Variants in LMBRD2 observed in about 807,000 individuals in gnomAD.
LMBRD2 encodes the protein LMBR1 domain containing 2.
LMBRD2 carries 55 observed loss-of-function variants against 94.4 expected under a neutral mutation model. The observed-to-expected ratio is 0.58, with a 90% confidence interval of 0.47 to 0.73. LMBRD2 has a LOEUF of 0.73. Ranked by LOEUF, LMBRD2 falls within the 30% of genes least tolerant of loss-of-function variation. LMBRD2 has a pLI of 0.00. For missense variants in LMBRD2, 640 were observed against 831.9 expected (o/e 0.77, Z 2.84); for synonymous variants, 246 against 272.4 (o/e 0.90, Z 0.95).
intron 16 of LMBRD2, 27 bp from the exon 17 acceptor site, chr5:36,105,224 A>G (rs1228157337): frequency 1.2e-6 from 2 of 1,608,098 alleles, no homozygotes; most frequent in Non-Finnish European, 1.7e-6. Flanking sequence ...AAAAATGTCT[A>G]CTTCCCTACT....
chr5:36,112,171 T>C (rs1351657336), intron 13 of LMBRD2, among the ~76,000 whole-genome samples: 11 of 152,176 alleles, frequency 7.2e-5, no homozygotes, highest in Non-Finnish European at 1.5e-5. Context: ...ATATATCTAC[T>C]TGTTTCATTC....
Position 36,137,272 on chromosome 5 carries a change from AC to A in LMBRD2, c.536+1del. 6.4e-7 allele frequency: 1 copy of A among 1,554,266 alleles called. No individual in the cohort carries two copies. The highest frequency in any genetic ancestry group is 8.8e-7 in the Non-Finnish European group (1 of 1,139,256). The stretch of plus-strand genomic sequence containing the variant: ...CAATGTTAAGAAGACTACTTTTCTT[AC>A]CATTCTAAATGTAAATGTGGGTTTA... On this transcript the variant is annotated splice_donor_variant, in intron 5 of 17. Transcript: ENST00000296603. LOFTEE classifies it high-confidence loss of function.
At chr5:36,108,727 C>T (rs1002457002) in intron 15 of LMBRD2, 88 bp from the exon 16 acceptor site, 29 of 503,456 alleles carry the variant, frequency 5.8e-5, no homozygotes, top group African/African-American at 5.3e-4. Flanking sequence ...AATTTATTTT[C>T]ATCAGAGATT....
rs1184516769 is a variant in LMBRD2 at position 36,142,602 on chromosome 5, A to G, written c.175-3T>C. On this transcript the variant is annotated splice_region_variant and splice_polypyrimidine_tract_variant and intron_variant, in intron 2 of 17. Transcript: ENST00000296603. ...TGCTTGCACCGGTTGTATATTGTCT[A>G]AAGCAACGAATGTATGGTTTAAAAA... is the stretch of plus-strand genomic sequence containing the variant. 2.6e-6 allele frequency: 4 copies of G among 1,555,734 alleles called. No homozygotes were observed. In the African/African-American group the frequency reaches 5.4e-5, roughly 21 times the overall value.
chr5:36,148,067 T>C (rs1744594303), intron 1 of LMBRD2: 1 of 195,300 alleles, frequency 5.1e-6, no homozygotes, highest in Admixed American at 6.2e-5. Flanking sequence ...ATCCTAATTA[T>C]GAAAAATCAA....
chr5:36,121,570 G>A (rs1743887677), intron 9 of LMBRD2, among the ~76,000 whole-genome samples: 1 of 152,148 alleles, frequency 6.6e-6, no homozygotes, highest in African/African-American at 2.4e-5. Context: ...ACTAATAAAT[G>A]TTAATAATCA....
At chr5:36,146,925 T>A (rs1269447790) in intron 1 of LMBRD2, among the ~76,000 whole-genome samples, 1 of 67,276 alleles carries the variant, frequency 1.5e-5, no homozygotes, top group African/African-American at 5.7e-5. Flanking sequence ...TCTCTGCGTG[T>A]GTGTGTGTGT....
intron 5 of LMBRD2, 110 bp from the exon 6 acceptor site, chr5:36,136,629 A>G (rs1344944090): frequency 2.4e-6 from 2 of 837,678 alleles, no homozygotes; most frequent in African/African-American, 1.7e-5. Context: ...AGTTAAAATT[A>G]GCATCTAGAA....
chr5:36,100,680 C>A lies in LMBRD2; in HGVS notation c.*3366G>T, dbSNP rs1268929121. The A allele has an allele frequency of 6.6e-6, 1 of 151,972 alleles. No homozygotes were observed. Among genetic ancestry groups the A allele is most frequent in the East Asian group, 1.9e-4 (1 of 5,188 alleles). 9.4% of individuals were successfully genotyped at this position (151,972 alleles called of 1,614,324 possible). A position where few individuals can be genotyped will look rare whatever the true frequency, so the allele number is the denominator to read the frequency against. On this transcript the variant is annotated 3_prime_UTR_variant, in exon 18 of 18. Transcript: ENST00000296603. ...AAGATTTTTCAGGGACATATTTTGT[C>A]GCTTAGTGCAAATATACTTGTAATT... is the stretch of plus-strand genomic sequence containing the variant.
intron 1 of LMBRD2, among the ~76,000 whole-genome samples, chr5:36,143,868 G>T (rs554158625): frequency 6.6e-6 from 1 of 151,828 alleles, no homozygotes; most frequent in South Asian, 2.1e-4. Flanking sequence ...TAAAAGAGAG[G>T]AAGGAAAAAA....
chr5:36,122,175 AAAT>A (rs1239083537), intron 9 of LMBRD2, 102 bp downstream of exon 9: 1 of 765,648 alleles, frequency 1.3e-6, no homozygotes, highest in South Asian at 1.9e-5. Flanking sequence ...GGTATAAATC[AAAT>A]AATACAAATA....
chr5:36,147,804 G>A (rs941682108), intron 1 of LMBRD2: 3 of 348,228 alleles, frequency 8.6e-6, no homozygotes, highest in African/African-American at 4.6e-5. Flanking sequence ...GAGAGAGAGA[G>A]AGAGAGAATG....
chr5:36,145,522 G>A (rs574492313), intron 1 of LMBRD2, among the ~76,000 whole-genome samples: 1 of 152,236 alleles, frequency 6.6e-6, no homozygotes, highest in South Asian at 2.1e-4. Context: ...ACAGCGCCCA[G>A]CCAAATCTTA....
intron 1 of LMBRD2, among the ~76,000 whole-genome samples, chr5:36,149,597 G>A (rs768410960): frequency 1.2e-4 from 18 of 152,310 alleles, no homozygotes; most frequent in South Asian, 2.1e-4. Context: ...AGGGTGGACC[G>A]TCTTCCTTTT....
chr5:36,132,013 A>G lies in LMBRD2; in HGVS notation c.747+4296T>C, dbSNP rs370981875. On this transcript the variant is annotated intron_variant, in intron 6 of 17. Coordinates refer to ENST00000296603, the MANE Select transcript of LMBRD2 (RefSeq NM_001007527.2). The stretch of plus-strand genomic sequence containing the variant: ...CAAAAGAGCCTCAACTGCCAAAGCT[A>G]TCTTGAGTAAAAAGTGCAAAACTGG... Among the ~76,000 whole-genome samples the G allele has an allele frequency of 6.6e-5, 10 of 152,308 alleles. No individual in the cohort carries two copies. The East Asian group carries it at 1.7e-3, about 26-fold the overall frequency.
Position 36,137,273 on chromosome 5 carries a change from C to T in LMBRD2, c.536+1G>A, listed in dbSNP as rs1744293917. 3.9e-6 allele frequency: 6 copies of T among 1,550,690 alleles called. No homozygotes were observed. Among genetic ancestry groups the T allele is most frequent in the Non-Finnish European group, 5.3e-6 (6 of 1,136,908 alleles). The stretch of plus-strand genomic sequence containing the variant: ...AATGTTAAGAAGACTACTTTTCTTA[C>T]CATTCTAAATGTAAATGTGGGTTTA... On this transcript the variant is annotated splice_donor_variant, in intron 5 of 17. Coordinates refer to ENST00000296603, the MANE Select transcript of LMBRD2 (RefSeq NM_001007527.2). LOFTEE classifies it high-confidence loss of function.
rs1743315641 is a variant in LMBRD2 at position 36,100,009 on chromosome 5, G to A, written c.*4037C>T. Reference sequence around the variant, plus strand: ...GCCTTGTCTCCAGGAGTTGGGAAAGGGGAAAGAAAACATTGCCCAGTCTTC... The same window carrying A: ...GCCTTGTCTCCAGGAGTTGGGAAAGAGGAAAGAAAACATTGCCCAGTCTTC... On this transcript the variant is annotated 3_prime_UTR_variant, in exon 18 of 18. Coordinates refer to ENST00000296603, the MANE Select transcript of LMBRD2 (RefSeq NM_001007527.2). 1 of 152,008 alleles carries A rather than the reference G, an allele frequency of 6.6e-6. No individual in the cohort carries two copies. The highest frequency in any genetic ancestry group is 2.4e-5 in the African/African-American group (1 of 41,396). The allele number at this position is 152,008 out of a possible 1,614,324, so 9.4% of individuals were successfully genotyped here. A position where few individuals can be genotyped will look rare whatever the true frequency, so the allele number is the denominator to read the frequency against.
Position 36,104,055 on chromosome 5 carries a change from A to G in LMBRD2, c.2079T>C (p.Asn693=), listed in dbSNP as rs779720902. Residue 693 remains asparagine, a synonymous_variant, in exon 18 of 18, where the codon AAT becomes AAC. Coordinates refer to ENST00000296603, the MANE Select transcript of LMBRD2 (RefSeq NM_001007527.2). ...YLSMSRSDIF[N]DV is the part of the protein sequence containing the mutation. The stretch of plus-strand genomic sequence containing the variant: ...CAAACTTTTTCAGACTTTAAACATC[A>G]TTAAATATGTCACTGCGAGACATCG... 6 of 1,610,232 alleles carry G rather than the reference A, an allele frequency of 3.7e-6. No homozygotes were observed. The Admixed American group carries it at 1.0e-4, about 27-fold the overall frequency.
intron 6 of LMBRD2, among the ~76,000 whole-genome samples, chr5:36,129,869 A>T (rs1010365669): frequency 6.6e-6 from 1 of 152,214 alleles, no homozygotes; most frequent in African/African-American, 2.4e-5. Context: ...AAAAAGGATG[A>T]GTTCATGTCC....
Sources: gnomAD v4.1 joint callset for allele counts (sites outside exome capture counted in the v4.1 genomes callset) on GRCh38, gnomAD v4.1.1 for gene constraint, MANE v1.5 for transcripts, NCBI Gene and HGNC (gene_info 2026-07-23, HGNC 2026-07-21) for gene names.